The following REV1 variants were observed in gnomAD, a reference collection of about 807,000 sequenced individuals.
REV1 encodes REV1 DNA directed polymerase, also known as translesion synthesis protein REV1.
A neutral mutation model predicts 137.4 loss-of-function variants in REV1; 42 were observed. That is an observed-to-expected ratio of 0.31 (90% CI 0.24 to 0.40). REV1 has a LOEUF of 0.40. REV1 is among the 10% of genes least tolerant of loss of function. REV1 has a pLI of 1.00. For missense variants in REV1, 1,282 were observed against 1,490.1 expected (o/e 0.86, Z 2.30); for synonymous variants, 524 against 519.2 (o/e 1.01, Z -0.12).
intron 10 of REV1, among the ~76,000 whole-genome samples, chr2:99,421,879 A>G (rs762296305): frequency 1.3e-5 from 2 of 152,344 alleles, no homozygotes; most frequent in South Asian, 2.1e-4. Flanking sequence ...TTGGATAGGA[A>G]AATGTTTGAG....
At chr2:99,406,595 T>G (rs904888618) in intron 15 of REV1, 105 bp from the exon 16 acceptor site, 1 of 877,964 alleles carries the variant, frequency 1.1e-6, no homozygotes, top group African/African-American at 1.7e-5. Context: ...TCCTGGATCC[T>G]GTTTCTAGAA....
Position 99,487,733 on chromosome 2 carries a change from A to G in REV1, c.-11+2084T>C, listed in dbSNP as rs747697474. Among the ~76,000 whole-genome samples the G allele has an allele frequency of 2.1e-4, 25 of 118,656 alleles. 7 individuals carry two copies. In the Middle Eastern group the frequency reaches 0.019, roughly 88 times the overall value. The allele number at this position is 118,656 out of a possible 152,430, so 77.8% of individuals were successfully genotyped here. On this transcript the variant is annotated intron_variant, in intron 1 of 22. Transcript: ENST00000258428. ...ACACCCATACATTCTTGAAAAGCAGAAAGACCCACAATGCTCTTTAGTGTA... is the reference window on the plus strand; with the variant it reads ...ACACCCATACATTCTTGAAAAGCAGGAAGACCCACAATGCTCTTTAGTGTA...
At chr2:99,445,720 A>G (rs1016625905) in intron 4 of REV1, among the ~76,000 whole-genome samples, 2 of 152,206 alleles carry the variant, frequency 1.3e-5, no homozygotes, top group African/African-American at 4.8e-5. Context: ...TACAAAACAA[A>G]GGTTTTAGTA....
At chr2:99,414,478 C>T (rs1677590148) in intron 12 of REV1, among the ~76,000 whole-genome samples, 1 of 151,852 alleles carries the variant, frequency 6.6e-6, no homozygotes, top group Non-Finnish European at 1.5e-5. Context: ...AAAATTCCTC[C>T]AGAGAAGTAC....
intron 1 of REV1, among the ~76,000 whole-genome samples, chr2:99,471,376 T>A (rs1015541489): frequency 6.6e-6 from 1 of 152,080 alleles, no homozygotes; most frequent in South Asian, 2.1e-4. Context: ...ATAGGAAAAC[T>A]GGATATCACA....
intron 12 of REV1, among the ~76,000 whole-genome samples, chr2:99,414,015 T>C (rs1468446855): frequency 6.6e-6 from 1 of 151,866 alleles, no homozygotes; most frequent in African/African-American, 2.4e-5. Context: ...ATTAGCTGGG[T>C]GTGGTGGTGC....
At chr2:99,412,627 GACTT>G in intron 13 of REV1, 100 bp downstream of exon 13, 2 of 869,700 alleles carry the variant, frequency 2.3e-6, no homozygotes, top group Non-Finnish European at 3.7e-6. Flanking sequence ...ACAGTTTTAA[GACTT>G]AATTTCAAGC....
At chr2:99,458,436 TGCTG>T in intron 3 of REV1, among the ~76,000 whole-genome samples, 1 of 152,324 alleles carries the variant, frequency 6.6e-6, no homozygotes, top group East Asian at 1.9e-4. Context: ...AACCACTGAA[TGCTG>T]GCAAGGATGC....
At chr2:99,472,198 T>C (rs1685495741) in intron 1 of REV1, among the ~76,000 whole-genome samples, 1 of 152,200 alleles carries the variant, frequency 6.6e-6, no homozygotes, top group African/African-American at 2.4e-5. Flanking sequence ...ATGTGGTATA[T>C]ACATACAACG....
In REV1 at chr2:99,401,213, CAGAG is replaced by C; in HGVS notation, c.*24_*27del. 1.4e-6 allele frequency: 2 copies of C among 1,381,990 alleles called. No individual in the cohort carries two copies. Among genetic ancestry groups the C allele is most frequent in the South Asian group, 1.2e-5 (1 of 86,234 alleles). 85.6% of individuals were successfully genotyped at this position (1,381,990 alleles called of 1,614,324 possible). The stretch of plus-strand genomic sequence containing the variant: ...TCACAAGCACTTATGGCACAGCTAT[CAGAG>C]AGCATCAGGCTCTCTGGTAATATTT... On this transcript the variant is annotated 3_prime_UTR_variant, in exon 23 of 23. Transcript: ENST00000258428.
chr2:99,468,037 G>A (rs975554321), intron 1 of REV1, among the ~76,000 whole-genome samples: 4 of 152,020 alleles, frequency 2.6e-5, no homozygotes, highest in African/African-American at 4.8e-5. Context: ...AAAATTAGCC[G>A]GGCATGGTGG....
intron 3 of REV1, among the ~76,000 whole-genome samples, chr2:99,458,179 T>A (rs1317945640): frequency 6.6e-6 from 1 of 152,136 alleles, no homozygotes; most frequent in Non-Finnish European, 1.5e-5. Flanking sequence ...AGAAAATACC[T>A]GCAAACCACT....
At chr2:99,416,251 T>C (rs1677838253) in intron 12 of REV1, among the ~76,000 whole-genome samples, 1 of 152,244 alleles carries the variant, frequency 6.6e-6, no homozygotes, top group Non-Finnish European at 1.5e-5. Flanking sequence ...GAGAAATTAC[T>C]AGTCTTTAAC....
chr2:99,467,277 C>T (rs1684916472), intron 1 of REV1, among the ~76,000 whole-genome samples: 1 of 151,582 alleles, frequency 6.6e-6, no homozygotes, highest in Non-Finnish European at 1.5e-5. Flanking sequence ...AAAAAAACAG[C>T]TATTAAGGGT....
At chr2:99,488,957 G>A (rs186403272) in intron 1 of REV1, among the ~76,000 whole-genome samples, 83 of 152,344 alleles carry the variant, frequency 5.4e-4, no homozygotes, top group Non-Finnish European at 1.1e-3. Context: ...CATGGCGTGA[G>A]AAGACGTGGA....
chr2:99,481,309 T>C (rs1238044291), intron 1 of REV1, among the ~76,000 whole-genome samples: 1 of 152,220 alleles, frequency 6.6e-6, no homozygotes, highest in African/African-American at 2.4e-5. Flanking sequence ...GTATACAGTT[T>C]ATAACCCAAG....
At chr2:99,484,789 T>C (rs1361538344) in intron 1 of REV1, among the ~76,000 whole-genome samples, 1 of 152,164 alleles carries the variant, frequency 6.6e-6, no homozygotes, top group Non-Finnish European at 1.5e-5. Flanking sequence ...ACGGCAAGCT[T>C]CCAAACAAAA....
At chr2:99,430,612 A>T (rs1280378859) in intron 8 of REV1, among the ~76,000 whole-genome samples, 1 of 152,238 alleles carries the variant, frequency 6.6e-6, no homozygotes, top group Non-Finnish European at 1.5e-5. Context: ...TGATCAGAGT[A>T]TCGATGCTTT....
chr2:99,402,690 G>A lies in REV1; in HGVS notation c.3495C>T (p.Phe1165=), dbSNP rs1574959218. Residue 1165 remains phenylalanine, a synonymous_variant, in exon 21 of 23, where the codon TTC becomes TTT. Transcript: ENST00000258428. ...PAPNLAGAVE[F]NDVKTLLREW... is the part of the protein sequence containing the mutation. ...CTCTGAGCAAGGTCTTCACATCATT[G>A]AATTCAACAGCTCCAGCTAGATTGG... 8.1e-6 allele frequency: 13 copies of A among 1,614,144 alleles called. No individual in the cohort carries two copies. The highest frequency in any genetic ancestry group is 1.1e-5 in the Non-Finnish European group (13 of 1,180,030).
Sources: allele counts gnomAD v4.1 joint callset (sites outside exome capture counted in the v4.1 genomes callset), GRCh38; gene constraint gnomAD v4.1.1; transcripts MANE v1.5; gene names NCBI Gene and HGNC (gene_info 2026-07-23, HGNC 2026-07-21).